The following DENND1A variants were observed in gnomAD, a reference collection of about 807,000 sequenced individuals.
DENND1A encodes the protein DENN domain-containing protein 1A.
A neutral mutation model predicts 113.7 loss-of-function variants in DENND1A; 51 were observed. That is an observed-to-expected ratio of 0.45 (90% CI 0.36 to 0.57). The LOEUF is 0.57. Ranked by LOEUF, DENND1A falls within the 20% of genes least tolerant of loss-of-function variation. The pLI is 0.00. For missense variants in DENND1A, 1,258 were observed against 1,395.9 expected (o/e 0.90, Z 1.57); for synonymous variants, 565 against 570.8 (o/e 0.99, Z 0.14).
At chr9:123,780,297 T>C (rs1440156092) in intron 3 of DENND1A, among the ~76,000 whole-genome samples, 1 of 152,074 alleles carries the variant, frequency 6.6e-6, no homozygotes, top group Non-Finnish European at 1.5e-5. Flanking sequence ...TATCATCAAA[T>C]TGACCATTAT....
chr9:123,608,673 G>A (rs902591900), intron 11 of DENND1A, among the ~76,000 whole-genome samples: 5 of 152,166 alleles, frequency 3.3e-5, no homozygotes, highest in Non-Finnish European at 7.3e-5. Flanking sequence ...CTACTTTAGG[G>A]GTTCTATGCT....
intron 1 of DENND1A, among the ~76,000 whole-genome samples, chr9:123,908,521 T>C (rs1320213696): frequency 7.0e-6 from 1 of 142,584 alleles, no homozygotes; most frequent in East Asian, 2.1e-4. Context: ...AACAACCCCA[T>C]CAAAAAGTGG....
intron 3 of DENND1A, among the ~76,000 whole-genome samples, chr9:123,776,137 A>C (rs1830435802): frequency 1.3e-5 from 2 of 152,190 alleles, no homozygotes; most frequent in South Asian, 4.1e-4. Context: ...TTCAGCAAAC[A>C]CCCGTCGGTG....
At chr9:123,497,364 T>C (rs1055523517) in intron 13 of DENND1A, among the ~76,000 whole-genome samples, 82 of 152,196 alleles carry the variant, frequency 5.4e-4, no homozygotes, top group Admixed American at 5.4e-3. Flanking sequence ...CCCAGGCTGC[T>C]GGAGAGTAGT....
intron 6 of DENND1A, among the ~76,000 whole-genome samples, chr9:123,674,963 T>A (rs1343837759): frequency 6.6e-6 from 1 of 152,148 alleles, no homozygotes; most frequent in African/African-American, 2.4e-5. Context: ...CTTTCAAATT[T>A]GAGTGAAAAC....
At chr9:123,384,442 A>G (rs1199850107) in intron 22 of DENND1A, among the ~76,000 whole-genome samples, 2 of 152,226 alleles carry the variant, frequency 1.3e-5, no homozygotes, top group African/African-American at 4.8e-5. Flanking sequence ...ACCTCTGGTC[A>G]TGCTATTTCT....
chr9:123,918,402 G>A (rs1855608152), intron 1 of DENND1A, among the ~76,000 whole-genome samples: 1 of 150,600 alleles, frequency 6.6e-6, no homozygotes, highest in Non-Finnish European at 1.5e-5. Context: ...GCAGGAGAAT[G>A]GCGTGAACCC....
At chr9:123,736,355 A>G (rs1203403433) in intron 5 of DENND1A, 1 of 152,132 alleles carries the variant, frequency 6.6e-6, no homozygotes, top group East Asian at 1.9e-4. Flanking sequence ...CTGCCAACTT[A>G]GTGGTTCTTT....
intron 9 of DENND1A, among the ~76,000 whole-genome samples, chr9:123,645,597 G>A (rs920604311): frequency 4.6e-5 from 7 of 152,132 alleles, no homozygotes; most frequent in Admixed American, 2.6e-4. Flanking sequence ...GCTGCCAACT[G>A]CACGTGACAT....
chr9:123,385,566 G>C (rs1376855390), intron 22 of DENND1A, among the ~76,000 whole-genome samples: 1 of 152,220 alleles, frequency 6.6e-6, no homozygotes, highest in Non-Finnish European at 1.5e-5. Flanking sequence ...GCACCACCTG[G>C]CGGTCAAGGG....
chr9:123,618,496 C>T (rs1278334101), intron 10 of DENND1A, among the ~76,000 whole-genome samples: 1 of 152,180 alleles, frequency 6.6e-6, no homozygotes, highest in Non-Finnish European at 1.5e-5. Flanking sequence ...GCATGGAGGC[C>T]AGCAGAAACT....
At chr9:123,735,864 T>C (rs774448564) in intron 5 of DENND1A, among the ~76,000 whole-genome samples, 3 of 152,126 alleles carry the variant, frequency 2.0e-5, no homozygotes, top group Non-Finnish European at 2.9e-5. Context: ...CCGGGCATGA[T>C]GGTGTACACC....
rs1370994736 is a variant in DENND1A, at chr9:123,783,598, G to A, written c.132+8989C>T. On this transcript the variant is annotated intron_variant, in intron 3 of 23. Coordinates refer to ENST00000394215, the MANE Select transcript of DENND1A (RefSeq NM_001352964.2). ...AGCTATCCTACAAGGTAGTTACTAT[G>A]ACTATCTCTACTTTCTAGATGAGGA... Among the ~76,000 whole-genome samples, 5 of 152,170 alleles carry A rather than the reference G, an allele frequency of 3.3e-5. No homozygotes were observed. In the East Asian group the frequency reaches 9.6e-4, roughly 29 times the overall value.
At chr9:123,572,537 C>A (rs1001056995) in intron 12 of DENND1A, among the ~76,000 whole-genome samples, 1 of 152,126 alleles carries the variant, frequency 6.6e-6, no homozygotes, top group Non-Finnish European at 1.5e-5. Context: ...GCAGTAGAAC[C>A]TTGTTGTGAC....
At chr9:123,652,291 G>A (rs2139421903) in intron 8 of DENND1A, 168 bp from the exon 9 acceptor site, 2 of 580,890 alleles carry the variant, frequency 3.4e-6, no homozygotes, top group Middle Eastern at 4.6e-4. Flanking sequence ...GTAAAATCAT[G>A]AAGGGTAAAG....
intron 2 of DENND1A, among the ~76,000 whole-genome samples, chr9:123,864,233 G>C (rs1013273401): frequency 6.6e-6 from 1 of 152,102 alleles, no homozygotes; most frequent in Admixed American, 6.5e-5. Context: ...ATTTGCAAAT[G>C]AGAAAATTCA....
intron 12 of DENND1A, among the ~76,000 whole-genome samples, chr9:123,564,610 A>T (rs1479477730): frequency 6.6e-6 from 1 of 152,228 alleles, no homozygotes; most frequent in African/African-American, 2.4e-5. Flanking sequence ...TGCATTGTCC[A>T]ACAGAACTTT....
intron 2 of DENND1A, among the ~76,000 whole-genome samples, chr9:123,836,610 A>G (rs530659881): frequency 6.6e-6 from 1 of 152,306 alleles, no homozygotes; most frequent in South Asian, 2.1e-4. Context: ...TAAGTTTTTC[A>G]TATCTCATAT....
intron 12 of DENND1A, among the ~76,000 whole-genome samples, chr9:123,577,971 G>C (rs929299961): frequency 6.6e-6 from 1 of 152,106 alleles, no homozygotes; most frequent in Non-Finnish European, 1.5e-5. Flanking sequence ...GACTCTGGTT[G>C]GTCAGAACCT....
Sources: gnomAD v4.1 joint callset for allele counts (sites outside exome capture counted in the v4.1 genomes callset) on GRCh38, gnomAD v4.1.1 for gene constraint, MANE v1.5 for transcripts, NCBI Gene and HGNC (gene_info 2026-07-23, HGNC 2026-07-21) for gene names.